Variants in CEP19 observed in about 807,000 individuals in gnomAD.
The protein encoded by CEP19 is centrosomal protein 19, also known as centrosomal protein of 19 kDa.
CEP19 carries 14 observed loss-of-function variants against 17.5 expected under a neutral mutation model. That is an observed-to-expected ratio of 0.80 (90% CI 0.53 to 1.25). The LOEUF (loss-of-function observed/expected upper bound fraction) is 1.25. Among genes scored for constraint, CEP19 ranks in the 50% most tolerant of loss-of-function variants. The pLI, the probability that CEP19 is intolerant of heterozygous loss-of-function variation, is 0.00. For synonymous variants in CEP19, 59 were observed against 65.5 expected (o/e 0.90, Z 0.48); for missense variants, 193 against 192.0 (o/e 1.01, Z -0.03).
intron 1 of CEP19, among the ~76,000 whole-genome samples, chr3:196,711,364 C>A (rs950533845): frequency 6.6e-6 from 1 of 151,540 alleles, no homozygotes; most frequent in South Asian, 2.1e-4. Context: ...CTCCCTCTGT[C>A]GCCTAGGCTG....
In CEP19 at chr3:196,708,535, C is replaced by G; in HGVS notation, c.123G>C (p.Lys41Asn). 6.2e-7 allele frequency: 1 copy of G among 1,614,082 alleles called. No individual in the cohort carries two copies. The highest frequency in any genetic ancestry group is 2.2e-5 in the East Asian group (1 of 44,882). ...QRIMPVRNFS[K>N]FSDCTRAAEQ... ...AGATAAGACATGAGGTACCTGAAAA[C>G]TTTGAAAAGTTTCGAACTGGCATAA... Residue 41 changes from lysine to asparagine, a missense_variant, in exon 2 of 3, where the codon AAG becomes AAC. By Grantham distance (94) the Lys-to-Asn change is moderately conservative. Coordinates refer to ENST00000409690, the MANE Select transcript of CEP19 (RefSeq NM_032898.5).
At position 196,708,654 on chromosome 3, in the gene CEP19, T is replaced by C; in HGVS notation, c.4A>G (p.Met2Val). The C allele has an allele frequency of 3.7e-6, 6 of 1,613,988 alleles. No individual in the cohort carries two copies. The highest frequency in any genetic ancestry group is 5.1e-6 in the Non-Finnish European group (6 of 1,179,894). MMCTAKKCGIRF... is the reference protein window; with the variant it reads MVCTAKKCGIRF... ...ATCCCACATTTCTTGGCAGTGCACA[T>C]CATTCCCATGTACATGTCCGGGTAA... Residue 2 changes from methionine (M) to valine (V), a missense_variant, in exon 2 of 3, where the codon ATG (methionine) becomes GTG (valine). Physicochemically the swap from Met to Val is conservative, Grantham distance 21. Coordinates refer to ENST00000409690, the MANE Select transcript of CEP19 (RefSeq NM_032898.5).
rs1711828228 is a variant in CEP19, at chr3:196,712,145, A to G, written c.-287T>C. ...AGGCCCGAACCCTCAAACACCGGGA[A>G]GCGGAGGTGGGGGCCGGCTGGGGGA... is the stretch of plus-strand genomic sequence containing the variant. On this transcript the variant is annotated 5_prime_UTR_variant, in exon 1 of 3. Coordinates refer to ENST00000409690, the MANE Select transcript of CEP19 (RefSeq NM_032898.5). 2 of 579,732 alleles carry G rather than the reference A, an allele frequency of 3.4e-6. No homozygotes were observed. The highest frequency in any genetic ancestry group is 2.8e-5 in the East Asian group (1 of 35,166). The allele number at this position is 579,732 out of a possible 1,614,324, so 35.9% of individuals were successfully genotyped here.
In CEP19 at chr3:196,707,744, T is replaced by A. The variant is rs773150686; in HGVS notation, c.299A>T (p.Asp100Val). 1 of 1,614,172 alleles carries A rather than the reference T, an allele frequency of 6.2e-7. No individual in the cohort carries two copies. The highest frequency in any genetic ancestry group is 1.1e-5 in the South Asian group (1 of 91,080). ...MEQIQRETTI[D>V]PEEDLNKLDD... ...TAGTTTGTTCAGGTCTTCCTCAGGA[T>A]CAATGGTTGTTTCCCGTTGAATTTG... is the stretch of plus-strand genomic sequence containing the variant. The change falls in exon 3 of 3, where the codon GAT becomes GTT. Residue 100 changes from aspartate to valine, a missense_variant. Asp to Val is a radical substitution (Grantham distance 152, BLOSUM62 -3). Transcript: ENST00000409690.
chr3:196,706,530 T>C lies in CEP19; in HGVS notation c.*1021A>G, dbSNP rs887250265. On this transcript the variant is annotated 3_prime_UTR_variant, in exon 3 of 3. Transcript: ENST00000409690. ...TGGGAAGAGGTTCAGCGTTTCGCAATGTCTTTAGTATGTATTTCCCGATAC... is the reference window on the plus strand; with the variant it reads ...TGGGAAGAGGTTCAGCGTTTCGCAACGTCTTTAGTATGTATTTCCCGATAC... The C allele has an allele frequency of 5.9e-5, 9 of 152,184 alleles. No individual in the cohort carries two copies. The highest frequency in any genetic ancestry group is 2.2e-4 in the African/African-American group (9 of 41,442). 9.4% of individuals were successfully genotyped at this position (152,184 alleles called of 1,614,324 possible).
In CEP19 at chr3:196,708,657, TTCCCATGTACATG is replaced by T. The variant is rs747512839; in HGVS notation, c.-13_-1del. On this transcript the variant is annotated 5_prime_UTR_variant, in exon 2 of 3. Coordinates refer to ENST00000409690, the MANE Select transcript of CEP19 (RefSeq NM_032898.5). Reference sequence around the variant, plus strand: ...CCACATTTCTTGGCAGTGCACATCATTCCCATGTACATGTCCGGGTAAGTCAGAGGAAATCTGA... The same window carrying T: ...CCACATTTCTTGGCAGTGCACATCATTCCGGGTAAGTCAGAGGAAATCTGA... The T allele has an allele frequency of 1.1e-5, 17 of 1,613,858 alleles. No individual in the cohort carries two copies. In the East Asian group the frequency reaches 3.3e-4, roughly 32 times the overall value.
chr3:196,712,014 G>T lies in CEP19; in HGVS notation c.-156C>A, dbSNP rs554624784. 6.8e-5 allele frequency: 49 copies of T among 717,102 alleles called. No homozygotes were observed. The highest frequency in any genetic ancestry group is 1.2e-4 in the Non-Finnish European group (45 of 384,920). 44.4% of individuals were successfully genotyped at this position (717,102 alleles called of 1,614,324 possible). Reference sequence around the variant, plus strand: ...GTTTTTCCACCCAACCGCAGTGCACGCAAAGCCCCTAAGCCGACTGTGAGA... The same window carrying T: ...GTTTTTCCACCCAACCGCAGTGCACTCAAAGCCCCTAAGCCGACTGTGAGA... On this transcript the variant is annotated 5_prime_UTR_variant, in exon 1 of 3. Transcript: ENST00000409690.
chr3:196,707,952 C>T (rs761786813), intron 2 of CEP19, 40 bp from the exon 3 acceptor site: 7 of 1,572,594 alleles, frequency 4.5e-6, no homozygotes, highest in South Asian at 2.3e-5. Context: ...ATACGTACCA[C>T]GTACATCATA....
chr3:196,708,724 C>G lies in CEP19; in HGVS notation c.-67G>C. 1 of 1,539,932 alleles carries G rather than the reference C, an allele frequency of 6.5e-7. No individual in the cohort carries two copies. The highest frequency in any genetic ancestry group is 8.9e-7 in the Non-Finnish European group (1 of 1,125,922). On this transcript the variant is annotated 5_prime_UTR_variant, in exon 2 of 3. Transcript: ENST00000409690. Reference sequence around the variant, plus strand: ...ATATGTGTAAGTTGCATAATGACTTCCTGCTAAAGGGAAAAAACAACTAGG... The same window carrying G: ...ATATGTGTAAGTTGCATAATGACTTGCTGCTAAAGGGAAAAAACAACTAGG...
intron 1 of CEP19, among the ~76,000 whole-genome samples, chr3:196,709,718 T>G (rs997473761): frequency 6.6e-6 from 1 of 152,376 alleles, no homozygotes; most frequent in Admixed American, 6.5e-5. Flanking sequence ...AAGAAACAGC[T>G]ATTTGTAGAT....
chr3:196,709,505 T>C lies in CEP19; in HGVS notation c.-70-778A>G, dbSNP rs1474724779. On this transcript the variant is annotated intron_variant, in intron 1 of 2. Coordinates refer to ENST00000409690, the MANE Select transcript of CEP19 (RefSeq NM_032898.5). ...GAATTAACATGATGGTCCCTGTACA[T>C]TTTTGAAAGCATTTACAGTCTAGAA... 2.0e-5 allele frequency among the ~76,000 whole-genome samples: 3 copies of C among 152,214 alleles called. No individual in the cohort carries two copies. The South Asian group carries it at 6.2e-4, about 32-fold the overall frequency.
chr3:196,707,391 C>T lies in CEP19; in HGVS notation c.*160G>A, dbSNP rs1711559908. Reference sequence around the variant, plus strand: ...CTGTTTTTCCCATACTCCTCATGCACCTACATAGTAGATGCTTTAAATGTC... The same window carrying T: ...CTGTTTTTCCCATACTCCTCATGCATCTACATAGTAGATGCTTTAAATGTC... On this transcript the variant is annotated 3_prime_UTR_variant, in exon 3 of 3. Coordinates refer to ENST00000409690, the MANE Select transcript of CEP19 (RefSeq NM_032898.5). 5.4e-6 allele frequency: 4 copies of T among 735,512 alleles called. No individual in the cohort carries two copies. The East Asian group carries it at 7.6e-5, about 14-fold the overall frequency. 45.6% of individuals were successfully genotyped at this position (735,512 alleles called of 1,614,324 possible).
chr3:196,708,812 G>A, intron 1 of CEP19, 85 bp from the exon 2 acceptor site: 1 of 712,056 alleles, frequency 1.4e-6, no homozygotes. Context: ...TTCTAGTCCG[G>A]CTCTGGCCAC....
chr3:196,706,780 C>G lies in CEP19; in HGVS notation c.*771G>C, dbSNP rs937319852. 1 of 135,582 alleles carries G rather than the reference C, an allele frequency of 7.4e-6. No individual in the cohort carries two copies. Among genetic ancestry groups the G allele is most frequent in the Non-Finnish European group, 1.7e-5 (1 of 60,196 alleles). 8.4% of individuals were successfully genotyped at this position (135,582 alleles called of 1,614,324 possible). ...TTCTTGTCCCTTTACTACTTCCCCTCTCCTTCTTTTCAGTTGCTCTTATCA... is the reference window on the plus strand; with the variant it reads ...TTCTTGTCCCTTTACTACTTCCCCTGTCCTTCTTTTCAGTTGCTCTTATCA... On this transcript the variant is annotated 3_prime_UTR_variant, in exon 3 of 3. Transcript: ENST00000409690.
In CEP19 at chr3:196,712,249, A is replaced by T; in HGVS notation, c.-391T>A. 1 of 456,802 alleles carries T rather than the reference A, an allele frequency of 2.2e-6. No homozygotes were observed. The highest frequency in any genetic ancestry group is 3.9e-6 in the Non-Finnish European group (1 of 257,038). 28.3% of individuals were successfully genotyped at this position (456,802 alleles called of 1,614,324 possible). A position where few individuals can be genotyped will look rare whatever the true frequency, so the allele number is the denominator to read the frequency against. On this transcript the variant is annotated 5_prime_UTR_variant, in exon 1 of 3. Transcript: ENST00000409690. Reference sequence around the variant, plus strand: ...CTGGCCTAGCGGTTTCCACAGCGACAGGCCGGGCGCGCGTCCCCGCGCGTG... The same window carrying T: ...CTGGCCTAGCGGTTTCCACAGCGACTGGCCGGGCGCGCGTCCCCGCGCGTG...
intron 2 of CEP19, 68 bp downstream of exon 2, chr3:196,708,459 AC>A: frequency 8.2e-7 from 1 of 1,213,702 alleles, no homozygotes; most frequent in Non-Finnish European, 1.2e-6. Context: ...CCAGTCCCTG[AC>A]AGAGTCATGA....
intron 1 of CEP19, among the ~76,000 whole-genome samples, chr3:196,709,426 T>A (rs1030368567): frequency 1.3e-5 from 2 of 152,164 alleles, no homozygotes; most frequent in African/African-American, 4.8e-5. Context: ...CACCACAATA[T>A]CTCAGCATAA....
In CEP19 at chr3:196,706,826, A is replaced by G. The variant is rs1260719795; in HGVS notation, c.*725T>C. On this transcript the variant is annotated 3_prime_UTR_variant, in exon 3 of 3. Coordinates refer to ENST00000409690, the MANE Select transcript of CEP19 (RefSeq NM_032898.5). The stretch of plus-strand genomic sequence containing the variant: ...TATCAGGAATCCTACACAAGCATCT[A>G]CCTAAACACTACTATTTCAAGGGCC... 6.6e-6 allele frequency: 1 copy of G among 152,030 alleles called. No individual in the cohort carries two copies. Among genetic ancestry groups the G allele is most frequent in the African/African-American group, 2.4e-5 (1 of 41,356 alleles). The allele number at this position is 152,030 out of a possible 1,614,324, so 9.4% of individuals were successfully genotyped here.
chr3:196,708,399 T>G, intron 2 of CEP19, 129 bp downstream of exon 2: 1 of 819,936 alleles, frequency 1.2e-6, no homozygotes, highest in Non-Finnish European at 2.0e-6. Context: ...TTTTATAGAT[T>G]AGGAAACTGA....
Sources: gnomAD v4.1 joint callset for allele counts (sites outside exome capture counted in the v4.1 genomes callset) on GRCh38, gnomAD v4.1.1 for gene constraint, MANE v1.5 for transcripts, NCBI Gene and HGNC (gene_info 2026-07-23, HGNC 2026-07-21) for gene names.